MEOX2: variants seen among roughly 807,000 people sequenced by gnomAD.
The protein encoded by MEOX2 is homeobox protein MOX-2.
Under a neutral mutation model 27.0 loss-of-function variants are expected in MEOX2, and 11 were observed. That is an observed-to-expected ratio of 0.41 (90% confidence interval 0.26 to 0.68). MEOX2 has a LOEUF of 0.68. Among genes scored for constraint, MEOX2 ranks in the 30% least tolerant of loss-of-function variants. The pLI is 0.33. For missense variants in MEOX2, 436 were observed against 385.4 expected (o/e 1.13, Z -1.10); for synonymous variants, 189 against 155.4 (o/e 1.22, Z -1.61).
intron 2 of MEOX2, among the ~76,000 whole-genome samples, chr7:15,615,891 C>T (rs1277200930): frequency 6.6e-6 from 1 of 151,762 alleles, no homozygotes. Flanking sequence ...ACATATATTT[C>T]TTTTTCTAGG....
intron 1 of MEOX2, among the ~76,000 whole-genome samples, chr7:15,676,579 G>C (rs1782196227): frequency 6.6e-6 from 1 of 152,008 alleles, no homozygotes; most frequent in Non-Finnish European, 1.5e-5. Context: ...CTTTTAAAAA[G>C]TTAAGTTCTG....
chr7:15,672,572 T>C (rs1191116666), intron 1 of MEOX2, among the ~76,000 whole-genome samples: 2 of 152,122 alleles, frequency 1.3e-5, no homozygotes, highest in Non-Finnish European at 2.9e-5. Flanking sequence ...TCACATACAA[T>C]CAAAGGTATT....
At chr7:15,635,523 A>C (rs956211948) in intron 1 of MEOX2, among the ~76,000 whole-genome samples, 1 of 152,042 alleles carries the variant, frequency 6.6e-6, no homozygotes. Flanking sequence ...GGTTAAATTA[A>C]GCAAATCATG....
chr7:15,618,578 T>C (rs1320194615), intron 2 of MEOX2, among the ~76,000 whole-genome samples: 1 of 151,988 alleles, frequency 6.6e-6, no homozygotes, highest in African/African-American at 2.4e-5. Flanking sequence ...GTATAACTTA[T>C]CGAATATAAA....
intron 1 of MEOX2, among the ~76,000 whole-genome samples, chr7:15,658,619 T>A (rs1270696143): frequency 6.6e-6 from 1 of 152,148 alleles, no homozygotes; most frequent in African/African-American, 2.4e-5. Context: ...TATGTTGAAA[T>A]CTCTAATCCC....
chr7:15,615,438 AG>A (rs201501594), intron 2 of MEOX2, among the ~76,000 whole-genome samples: 9,707 of 149,186 alleles, frequency 0.065, 344 homozygotes, highest in African/African-American at 0.068. Flanking sequence ...ATAAAAAAAA[AG>A]CATATAGAGT....
At chr7:15,621,578 G>A (rs1239923676) in intron 2 of MEOX2, among the ~76,000 whole-genome samples, 1 of 152,134 alleles carries the variant, frequency 6.6e-6, no homozygotes, top group East Asian at 1.9e-4. Context: ...TATACCTTAT[G>A]TTTTTCTAAA....
chr7:15,669,695 T>C (rs879897308), intron 1 of MEOX2, among the ~76,000 whole-genome samples: 1 of 152,222 alleles, frequency 6.6e-6, no homozygotes, highest in Non-Finnish European at 1.5e-5. Flanking sequence ...ACGTCACTCT[T>C]TTCTTTTGCA....
chr7:15,657,211 G>C (rs1781836210), intron 1 of MEOX2, among the ~76,000 whole-genome samples: 1 of 152,054 alleles, frequency 6.6e-6, no homozygotes, highest in African/African-American at 2.4e-5. Flanking sequence ...GCAGCTGCTT[G>C]TTTTTGCAGG....
At chr7:15,614,009 G>T (rs1444669226) in intron 2 of MEOX2, among the ~76,000 whole-genome samples, 4 of 151,134 alleles carry the variant, frequency 2.6e-5, no homozygotes, top group African/African-American at 9.7e-5. Context: ...GTCTTTTGAT[G>T]ATTAGAAACT....
intron 1 of MEOX2, among the ~76,000 whole-genome samples, chr7:15,650,932 G>T (rs552909128): frequency 6.6e-6 from 1 of 152,058 alleles, no homozygotes; most frequent in African/African-American, 2.4e-5. Flanking sequence ...AGAGGAGTTT[G>T]TCTAAAAGAG....
intron 1 of MEOX2, among the ~76,000 whole-genome samples, chr7:15,654,274 C>T (rs1256248468): frequency 6.6e-6 from 1 of 151,852 alleles, no homozygotes; most frequent in Admixed American, 6.6e-5. Context: ...CTTTTCTGTA[C>T]TCACATATAA....
chr7:15,649,448 T>A (rs1286970317), intron 1 of MEOX2, among the ~76,000 whole-genome samples: 2 of 151,780 alleles, frequency 1.3e-5, no homozygotes, highest in Non-Finnish European at 2.9e-5. Flanking sequence ...GATGGAAAAA[T>A]CACATAAATT....
chr7:15,671,032 A>T (rs1782086574), intron 1 of MEOX2, among the ~76,000 whole-genome samples: 2 of 152,168 alleles, frequency 1.3e-5, no homozygotes, highest in Admixed American at 6.5e-5. Context: ...AATAAATAAG[A>T]TTTGCCATGT....
At position 15,611,750 on chromosome 7, in the gene MEOX2, G is replaced by A. The variant is rs910435124; in HGVS notation, c.*637C>T. On this transcript the variant is annotated 3_prime_UTR_variant, in exon 3 of 3. Coordinates refer to ENST00000262041, the MANE Select transcript of MEOX2 (RefSeq NM_005924.5). ...AATGTATAAAAAAGACAAGAAACTG[G>A]CTCTGGTTGTCATTGTGAGTGCCTA... The A allele has an allele frequency of 1.3e-5, 2 of 153,116 alleles. No individual in the cohort carries two copies. Among genetic ancestry groups the A allele is most frequent in the Admixed American group, 1.3e-4 (2 of 15,352 alleles). The allele number at this position is 153,116 out of a possible 1,614,324, so 9.5% of individuals were successfully genotyped here.
At chr7:15,623,561 G>C (rs1403264526) in intron 2 of MEOX2, among the ~76,000 whole-genome samples, 2 of 152,074 alleles carry the variant, frequency 1.3e-5, no homozygotes, top group African/African-American at 4.8e-5. Context: ...GTAGAGACGG[G>C]GTTTCACCAT....
intron 1 of MEOX2, among the ~76,000 whole-genome samples, chr7:15,684,842 T>A (rs1782351351): frequency 1.3e-5 from 2 of 152,268 alleles, no homozygotes; most frequent in Non-Finnish European, 2.9e-5. Context: ...AATTTTAAAG[T>A]ATCTTTTAAC....
intron 2 of MEOX2, among the ~76,000 whole-genome samples, chr7:15,615,661 G>C (rs146989611): frequency 1.2e-3 from 183 of 152,012 alleles, no homozygotes; most frequent in African/African-American, 4.3e-3. Flanking sequence ...TCCATTTTGT[G>C]TGAATTTGAG....
chr7:15,685,028 C>T (rs374539816), intron 1 of MEOX2, among the ~76,000 whole-genome samples: 9 of 152,248 alleles, frequency 5.9e-5, no homozygotes, highest in South Asian at 2.1e-4. Context: ...GCCTCCTGCG[C>T]GCACCCTTGC....
Sources: gnomAD v4.1 joint callset for allele counts (sites outside exome capture counted in the v4.1 genomes callset) on GRCh38, gnomAD v4.1.1 for gene constraint, MANE v1.5 for transcripts, NCBI Gene and HGNC (gene_info 2026-07-23, HGNC 2026-07-21) for gene names.